The following SOX5 variants were observed in gnomAD, a reference collection of about 807,000 sequenced individuals.
SOX5 encodes transcription factor SOX-5.
In SOX5, 9 loss-of-function variants were observed where a neutral mutation model predicts 92.0. The observed-to-expected ratio is 0.10, with a 90% CI of 0.06 to 0.17. The LOEUF is 0.17. SOX5 is among the 10% of genes least tolerant of loss of function. The pLI is 1.00. For synonymous variants in SOX5, 344 were observed against 336.3 expected (o/e 1.02, Z -0.25); for missense variants, 642 against 944.5 (o/e 0.68, Z 4.20).
chr12:24,142,261 C>G (rs1950655481), intron 4 of SOX5, among the ~76,000 whole-genome samples: 1 of 152,094 alleles, frequency 6.6e-6, no homozygotes, highest in Admixed American at 6.6e-5. Flanking sequence ...CAACTTTCCC[C>G]ATTCTATTTC....
chr12:24,183,570 T>A (rs1955721554), intron 4 of SOX5, among the ~76,000 whole-genome samples: 1 of 152,166 alleles, frequency 6.6e-6, no homozygotes, highest in African/African-American at 2.4e-5. Context: ...TTTAAATATA[T>A]GGTATATTAA....
intron 2 of SOX5, among the ~76,000 whole-genome samples, chr12:24,289,008 A>G (rs1270348197): frequency 6.6e-6 from 1 of 152,200 alleles, no homozygotes; most frequent in Non-Finnish European, 1.5e-5. Flanking sequence ...TTAGAAACTT[A>G]AACTTTTTCT....
At chr12:24,140,274 T>G (rs935679131) in intron 4 of SOX5, among the ~76,000 whole-genome samples, 2 of 151,978 alleles carry the variant, frequency 1.3e-5, no homozygotes, top group Non-Finnish European at 2.9e-5. Flanking sequence ...AGTAGAGAAT[T>G]AGAGAGGAAG....
chr12:24,383,241 T>C (rs899666695), intron 1 of SOX5, among the ~76,000 whole-genome samples: 1 of 152,184 alleles, frequency 6.6e-6, no homozygotes, highest in African/African-American at 2.4e-5. Flanking sequence ...ATTTAAAAGA[T>C]ACAGCAGAAT....
At chr12:23,564,648 A>G (rs1479897935) in intron 10 of SOX5, among the ~76,000 whole-genome samples, 1 of 152,222 alleles carries the variant, frequency 6.6e-6, no homozygotes, top group African/African-American at 2.4e-5. Flanking sequence ...CTGCCAAAAC[A>G]CGCTATTAAA....
chr12:24,279,125 A>T (rs956816155), intron 2 of SOX5, among the ~76,000 whole-genome samples: 1 of 152,188 alleles, frequency 6.6e-6, no homozygotes, highest in African/African-American at 2.4e-5. Flanking sequence ...TGATACCATC[A>T]TCTTTATGTC....
chr12:23,683,964 A>G (rs1593256886), intron 6 of SOX5, among the ~76,000 whole-genome samples: 1 of 152,120 alleles, frequency 6.6e-6, no homozygotes, highest in East Asian at 1.9e-4. Flanking sequence ...GGGATGGGAG[A>G]AAGGGGAAAG....
chr12:24,499,009 C>T (rs1444021362), intron 1 of SOX5, among the ~76,000 whole-genome samples: 1 of 152,208 alleles, frequency 6.6e-6, no homozygotes, highest in Non-Finnish European at 1.5e-5. Context: ...ATACTGCCTT[C>T]TCAAAGAAGC....
chr12:23,635,079 G>A (rs1469013991), intron 8 of SOX5, among the ~76,000 whole-genome samples: 1 of 152,162 alleles, frequency 6.6e-6, no homozygotes, highest in African/African-American at 2.4e-5. Flanking sequence ...AGCAATGTGA[G>A]AAGGGAAATA....
At chr12:24,207,078 T>G (rs1958097560) in intron 4 of SOX5, among the ~76,000 whole-genome samples, 1 of 152,234 alleles carries the variant, frequency 6.6e-6, no homozygotes, top group Non-Finnish European at 1.5e-5. Flanking sequence ...TAGTTATGTT[T>G]GGCAGATCTC....
At chr12:24,451,086 G>A (rs1942231346) in intron 1 of SOX5, among the ~76,000 whole-genome samples, 2 of 152,082 alleles carry the variant, frequency 1.3e-5, no homozygotes, top group Admixed American at 1.3e-4. Context: ...TTAACATAAT[G>A]ACCTCCAGTT....
At position 24,450,493 on chromosome 12, in the gene SOX5, T is replaced by TTG. The variant is rs1566194901; in HGVS notation, c.-250-81855_-250-81854insCA. On this transcript the variant is annotated intron_variant, in intron 1 of 4. Coordinates refer to the SOX5 transcript ENST00000446891. ...TATTTTATTTATTTATTTATTTATT[T>TTG]ATTTATTTATTTATTTATTGAGACA... 4.0e-3 allele frequency among the ~76,000 whole-genome samples: 603 copies of TTG among 150,876 alleles called. 6 individuals are homozygous for TTG. Among genetic ancestry groups the TTG allele is most frequent in the African/African-American group, 0.014 (573 of 41,202 alleles).
At chr12:24,083,377 T>C (rs148926450) in intron 4 of SOX5, among the ~76,000 whole-genome samples, 1 of 152,186 alleles carries the variant, frequency 6.6e-6, no homozygotes, top group East Asian at 1.9e-4. Flanking sequence ...TTCTGCAACA[T>C]TTATTCTACA....
intron 11 of SOX5, among the ~76,000 whole-genome samples, chr12:23,548,548 A>G (rs1362087249): frequency 6.6e-6 from 1 of 152,034 alleles, no homozygotes; most frequent in Non-Finnish European, 1.5e-5. Context: ...GAACAGGCAA[A>G]AGGAAAGGTG....
At chr12:23,678,243 G>A (rs897628956) in intron 6 of SOX5, among the ~76,000 whole-genome samples, 1 of 152,010 alleles carries the variant, frequency 6.6e-6, no homozygotes, top group African/African-American at 2.4e-5. Context: ...ATCTACCATT[G>A]TAAATATACC....
At chr12:24,189,791 A>G (rs962905438) in intron 4 of SOX5, among the ~76,000 whole-genome samples, 2 of 152,182 alleles carry the variant, frequency 1.3e-5, no homozygotes, top group Non-Finnish European at 2.9e-5. Context: ...GATATAAATC[A>G]TTTTATGTAT....
chr12:24,109,842 C>T (rs1947113256), intron 4 of SOX5, among the ~76,000 whole-genome samples: 1 of 152,082 alleles, frequency 6.6e-6, no homozygotes, highest in Non-Finnish European at 1.5e-5. Context: ...GAAACTAAGC[C>T]TACAGTCCAT....
chr12:23,543,476 GAAAAGA>G, intron 12 of SOX5, 92 bp from the exon 13 acceptor site: 1 of 967,956 alleles, frequency 1.0e-6, no homozygotes, highest in Admixed American at 2.3e-5. Flanking sequence ...TAAGATATCT[GAAAAGA>G]AAAAGTACTT....
intron 13 of SOX5, among the ~76,000 whole-genome samples, chr12:23,541,741 G>T (rs1942090463): frequency 6.6e-6 from 1 of 152,120 alleles, no homozygotes; most frequent in South Asian, 2.1e-4. Context: ...AGTGGCTAAT[G>T]GTTTGTTTTG....
Sources: gnomAD v4.1 joint callset for allele counts (sites outside exome capture counted in the v4.1 genomes callset) on GRCh38, gnomAD v4.1.1 for gene constraint, MANE v1.5 for transcripts, NCBI Gene and HGNC (gene_info 2026-07-23, HGNC 2026-07-21) for gene names.